The following ATP8B4 variants were observed in gnomAD, a reference collection of about 807,000 sequenced individuals.
ATP8B4 encodes the protein ATPase phospholipid transporting 8B4 (putative), also known as probable phospholipid-transporting ATPase IM.
ATP8B4 carries 133 observed loss-of-function variants against 145.6 expected under a neutral mutation model. The observed-to-expected ratio is 0.91, with a 90% CI of 0.79 to 1.05. The LOEUF (loss-of-function observed/expected upper bound fraction) is 1.05, where lower values mean the gene tolerates loss of function less well. ATP8B4 is among the 50% of genes least tolerant of loss of function. The pLI is 0.00. For synonymous variants in ATP8B4, 507 were observed against 492.9 expected, an observed-to-expected ratio of 1.03 and a Z score of -0.38; for missense variants, 1,458 against 1,425.2, an observed-to-expected ratio of 1.02 and a Z score of -0.37.
chr15:49,957,828 G>A (rs1471973606), intron 14 of ATP8B4, among the ~76,000 whole-genome samples: 3 of 151,654 alleles, frequency 2.0e-5, no homozygotes, highest in African/African-American at 7.3e-5. Flanking sequence ...ACTTTAATTA[G>A]CTTCTTCAAC....
At chr15:50,115,109 T>C (rs951910503) in intron 1 of ATP8B4, among the ~76,000 whole-genome samples, 1 of 152,226 alleles carries the variant, frequency 6.6e-6, no homozygotes, top group Non-Finnish European at 1.5e-5. Context: ...GGTGGGCAGA[T>C]GCCCTCTATC....
intron 6 of ATP8B4, among the ~76,000 whole-genome samples, chr15:50,017,991 C>CTT (rs35825862): frequency 0.011 from 1,491 of 140,232 alleles, 38 homozygotes; most frequent in East Asian, 0.048. Flanking sequence ...CTTTTTTTTT[C>CTT]TTTTTTTTTT....
At chr15:49,865,367 C>G (rs751891637) in intron 26 of ATP8B4, among the ~76,000 whole-genome samples, 16 of 152,168 alleles carry the variant, frequency 1.1e-4, no homozygotes, top group Non-Finnish European at 1.5e-4. Flanking sequence ...TTGTAATATC[C>G]TTTATAGTAA....
chr15:50,006,553 C>A (rs28551653), intron 7 of ATP8B4, among the ~76,000 whole-genome samples: 2,878 of 136,106 alleles, frequency 0.021, 106 homozygotes, highest in African/African-American at 0.077. Context: ...TGAAAAAGAA[C>A]AGATGAAATT....
At chr15:50,091,877 C>T (rs1160162811) in intron 2 of ATP8B4, among the ~76,000 whole-genome samples, 1 of 152,034 alleles carries the variant, frequency 6.6e-6, no homozygotes, top group Non-Finnish European at 1.5e-5. Context: ...CAGGACCAAC[C>T]CACCTGCTAA....
intron 6 of ATP8B4, among the ~76,000 whole-genome samples, chr15:50,020,444 G>C (rs1442201232): frequency 6.6e-6 from 1 of 151,024 alleles, no homozygotes; most frequent in Non-Finnish European, 1.5e-5. Flanking sequence ...TAATTTTTTT[G>C]TATTTTTAGT....
chr15:50,085,919 G>GATATATATCAT lies in ATP8B4; in HGVS notation c.29-11745_29-11735dup, dbSNP rs1491582313. Among the ~76,000 whole-genome samples, 150 of 101,792 alleles carry GATATATATCAT rather than the reference G, an allele frequency of 1.5e-3. 14 individuals carry two copies. Among genetic ancestry groups the GATATATATCAT allele is most frequent in the African/African-American group, 6.8e-3 (145 of 21,378 alleles). The allele number at this position is 101,792 out of a possible 152,430, so 66.8% of individuals were successfully genotyped here. ...ATATATATCATATATATTTATATAT[G>GATATATATCAT]ATATATATCATATATATTTATATAT... On this transcript the variant is annotated intron_variant, in intron 2 of 27. Coordinates refer to ENST00000284509, the MANE Select transcript of ATP8B4 (RefSeq NM_024837.4).
intron 6 of ATP8B4, among the ~76,000 whole-genome samples, chr15:50,011,556 G>T (rs1393391388): frequency 6.6e-6 from 1 of 152,078 alleles, no homozygotes; most frequent in African/African-American, 2.4e-5. Context: ...TTCTGTGCAG[G>T]TCATGTATAT....
chr15:50,024,579 C>G (rs1290573331), intron 6 of ATP8B4, among the ~76,000 whole-genome samples: 1 of 152,178 alleles, frequency 6.6e-6, no homozygotes, highest in Admixed American at 6.5e-5. Context: ...GAATACTCTT[C>G]GTCGTCCAGG....
chr15:50,058,550 C>G (rs1314850795), intron 3 of ATP8B4, among the ~76,000 whole-genome samples: 2 of 152,200 alleles, frequency 1.3e-5, no homozygotes, highest in Non-Finnish European at 2.9e-5. Flanking sequence ...ACACGATACA[C>G]AGTCTAATCC....
intron 9 of ATP8B4, 83 bp from the exon 10 acceptor site, chr15:49,987,632 G>T: frequency 7.2e-7 from 1 of 1,396,888 alleles, no homozygotes; most frequent in South Asian, 1.4e-5. Flanking sequence ...TTTTACCACT[G>T]TTTCCCTCTC....
intron 16 of ATP8B4, among the ~76,000 whole-genome samples, chr15:49,925,191 T>A (rs918373223): frequency 1.2e-4 from 19 of 152,106 alleles, no homozygotes; most frequent in African/African-American, 4.3e-4. Flanking sequence ...TTACTATAAT[T>A]ATTATTATTG....
At chr15:50,012,166 G>A (rs910002280) in intron 6 of ATP8B4, among the ~76,000 whole-genome samples, 4 of 152,136 alleles carry the variant, frequency 2.6e-5, no homozygotes, top group Non-Finnish European at 5.9e-5. Context: ...AACCTAGGAA[G>A]CCTTCTAAAT....
intron 20 of ATP8B4, among the ~76,000 whole-genome samples, chr15:49,913,633 C>T (rs957783987): frequency 6.6e-6 from 1 of 152,060 alleles, no homozygotes; most frequent in African/African-American, 2.4e-5. Context: ...CAAGTGATTC[C>T]ATCAAAAACT....
At position 50,078,579 on chromosome 15, in the gene ATP8B4, C is replaced by T. The variant is rs147043353; in HGVS notation, c.29-4394G>A. Among the ~76,000 whole-genome samples the T allele has an allele frequency of 9.9e-5, 15 of 151,450 alleles. No homozygotes were observed. The East Asian group carries it at 2.7e-3, about 27-fold the overall frequency. ...AAAACTTAGGATAAGGGAACATAGA[C>T]AATGGATAGGTAAAAACAATCAAGT... On this transcript the variant is annotated intron_variant, in intron 2 of 27. Transcript: ENST00000284509.
At chr15:49,921,896 C>T (rs895013128) in intron 17 of ATP8B4, among the ~76,000 whole-genome samples, 1 of 152,210 alleles carries the variant, frequency 6.6e-6, no homozygotes, top group African/African-American at 2.4e-5. Context: ...TAGCTACTGT[C>T]TTGTAATGAT....
intron 19 of ATP8B4, chr15:49,917,327 A>G (rs1044158143): frequency 3.1e-6 from 1 of 325,022 alleles, no homozygotes; most frequent in Non-Finnish European, 5.6e-6. Context: ...CCAAATTAGC[A>G]CTCATGAAAA....
chr15:49,902,014 A>C (rs1438934730), intron 20 of ATP8B4: 1 of 206,850 alleles, frequency 4.8e-6, no homozygotes, highest in Non-Finnish European at 9.9e-6. Context: ...TTGTATGGTG[A>C]CATAGCACAC....
intron 1 of ATP8B4, among the ~76,000 whole-genome samples, chr15:50,131,995 T>C (rs2044054314): frequency 6.6e-6 from 1 of 152,008 alleles, no homozygotes; most frequent in Admixed American, 6.6e-5. Flanking sequence ...TTTTGTCCTT[T>C]CACTTATTTT....
Sources: allele counts gnomAD v4.1 joint callset (sites outside exome capture counted in the v4.1 genomes callset), GRCh38; gene constraint gnomAD v4.1.1; transcripts MANE v1.5; gene names NCBI Gene and HGNC (gene_info 2026-07-23, HGNC 2026-07-21).